Variants in SUCLG2 observed in about 807,000 individuals in gnomAD.
SUCLG2 encodes succinate-CoA ligase GDP-forming subunit beta, also known as succinate--CoA ligase [GDP-forming] subunit beta, mitochondrial.
SUCLG2 carries 42 observed loss-of-function variants against 47.9 expected under a neutral mutation model. That is an observed-to-expected ratio of 0.88 (90% confidence interval 0.69 to 1.14). The LOEUF (loss-of-function observed/expected upper bound fraction) is 1.14. SUCLG2 is among the 50% of genes most tolerant of loss of function. SUCLG2 has a pLI of 0.00. For missense variants in SUCLG2, 571 were observed against 525.9 expected (o/e 1.09, Z -0.84); for synonymous variants, 195 against 197.3 (o/e 0.99, Z 0.10).
rs143794996 is a variant in SUCLG2 at position 67,384,070 on chromosome 3, T to C, written c.1184-8211A>G. On this transcript the variant is annotated intron_variant, in intron 10 of 10. Coordinates refer to ENST00000307227, the MANE Select transcript of SUCLG2 (RefSeq NM_003848.4). ...AGACTTTTGTCGAAAATGCTGACTT[T>C]GGTCCACCATTACTGCCTAGGACAG... is the stretch of plus-strand genomic sequence containing the variant. 1.7e-3 allele frequency among the ~76,000 whole-genome samples: 254 copies of C among 152,322 alleles called. 8 individuals are homozygous for C. The East Asian group carries it at 0.039, about 23-fold the overall frequency.
intron 10 of SUCLG2, among the ~76,000 whole-genome samples, chr3:67,388,303 A>T (rs1335520222): frequency 6.6e-6 from 1 of 152,218 alleles, no homozygotes; most frequent in African/African-American, 2.4e-5. Context: ...ATCTTTATCA[A>T]GAGAGAAAAA....
At chr3:67,577,665 A>T (rs1012005045) in intron 2 of SUCLG2, among the ~76,000 whole-genome samples, 3 of 152,190 alleles carry the variant, frequency 2.0e-5, no homozygotes, top group Non-Finnish European at 2.9e-5. Context: ...TCTCTACCAG[A>T]GCCTCTGTCT....
intron 1 of SUCLG2, among the ~76,000 whole-genome samples, chr3:67,614,062 G>A (rs924794196): frequency 4.6e-5 from 7 of 152,106 alleles, no homozygotes; most frequent in African/African-American, 1.7e-4. Context: ...TCAACTCCTA[G>A]GAAGAGCTAC....
chr3:67,396,684 C>T (rs1014405641), intron 10 of SUCLG2, among the ~76,000 whole-genome samples: 1 of 152,140 alleles, frequency 6.6e-6, no homozygotes, highest in African/African-American at 2.4e-5. Flanking sequence ...AGGCCAGCAT[C>T]ATCCTGATAC....
chr3:67,466,414 G>A (rs1291042854), intron 9 of SUCLG2, among the ~76,000 whole-genome samples: 1 of 152,134 alleles, frequency 6.6e-6, no homozygotes, highest in African/African-American at 2.4e-5. Context: ...TTAATAAAAT[G>A]GGCATTAACA....
chr3:67,494,103 T>C (rs1705270538), intron 9 of SUCLG2, among the ~76,000 whole-genome samples: 1 of 152,170 alleles, frequency 6.6e-6, no homozygotes, highest in Non-Finnish European at 1.5e-5. Flanking sequence ...AACAGACAAG[T>C]GTACTACCAA....
intron 2 of SUCLG2, among the ~76,000 whole-genome samples, chr3:67,568,800 T>C (rs1048763338): frequency 6.6e-6 from 1 of 152,060 alleles, no homozygotes; most frequent in Non-Finnish European, 1.5e-5. Context: ...GGCAGGAGAA[T>C]GGCGTGAACC....
intron 1 of SUCLG2, among the ~76,000 whole-genome samples, chr3:67,630,947 A>C (rs939942167): frequency 8.5e-5 from 13 of 152,240 alleles, no homozygotes; most frequent in African/African-American, 2.2e-4. Flanking sequence ...AGTCTCATGC[A>C]AAACCTAAAG....
chr3:67,490,959 G>A (rs899559965), intron 9 of SUCLG2, among the ~76,000 whole-genome samples: 1 of 152,144 alleles, frequency 6.6e-6, no homozygotes, highest in African/African-American at 2.4e-5. Context: ...AAATGCAAAA[G>A]AGTATACAGT....
chr3:67,425,955 G>C (rs1202312448), intron 9 of SUCLG2, among the ~76,000 whole-genome samples: 1 of 152,122 alleles, frequency 6.6e-6, no homozygotes, highest in African/African-American at 2.4e-5. Context: ...TTAATGTACA[G>C]TTAGAGAGGA....
At chr3:67,651,927 T>C (rs1040785119) in intron 1 of SUCLG2, among the ~76,000 whole-genome samples, 3 of 152,192 alleles carry the variant, frequency 2.0e-5, no homozygotes, top group Admixed American at 6.5e-5. Context: ...ATTTTCATTA[T>C]TGGTTATATG....
chr3:67,462,242 C>T (rs925325938), intron 9 of SUCLG2, among the ~76,000 whole-genome samples: 1 of 152,018 alleles, frequency 6.6e-6, no homozygotes, highest in Non-Finnish European at 1.5e-5. Context: ...GCTTTAGAAA[C>T]TAAAAATATA....
chr3:67,389,525 C>T (rs1702333536), intron 10 of SUCLG2, among the ~76,000 whole-genome samples: 2 of 152,182 alleles, frequency 1.3e-5, no homozygotes, highest in Non-Finnish European at 2.9e-5. Flanking sequence ...GTTCTCAGTA[C>T]TTCCAGTGGA....
intron 2 of SUCLG2, among the ~76,000 whole-genome samples, chr3:67,582,369 T>C (rs1220858014): frequency 6.6e-6 from 1 of 152,200 alleles, no homozygotes; most frequent in Non-Finnish European, 1.5e-5. Context: ...ATGCAGTATT[T>C]GGTTTTCTGT....
chr3:67,554,359 C>T (rs1324427622), intron 2 of SUCLG2, among the ~76,000 whole-genome samples: 3 of 152,174 alleles, frequency 2.0e-5, no homozygotes, highest in Non-Finnish European at 2.9e-5. Context: ...ATTTCAGTTG[C>T]TTTCTAATTG....
chr3:67,604,840 T>G (rs1363398561), intron 2 of SUCLG2, among the ~76,000 whole-genome samples: 1 of 152,200 alleles, frequency 6.6e-6, no homozygotes, highest in Non-Finnish European at 1.5e-5. Context: ...GTCACATTTA[T>G]TTTCAAAATA....
At chr3:67,410,330 G>C (rs1242819131) in intron 9 of SUCLG2, among the ~76,000 whole-genome samples, 1 of 152,190 alleles carries the variant, frequency 6.6e-6, no homozygotes, top group Non-Finnish European at 1.5e-5. Context: ...TTCTGTAGTT[G>C]TCAGCAGACA....
chr3:67,644,240 C>T (rs150012568), intron 1 of SUCLG2, among the ~76,000 whole-genome samples: 1 of 151,490 alleles, frequency 6.6e-6, no homozygotes, highest in African/African-American at 2.4e-5. Context: ...AAGTGTCCAC[C>T]GACAAATTAA....
At chr3:67,366,700 G>A (rs751124089) in intron 10 of SUCLG2, among the ~76,000 whole-genome samples, 2 of 152,168 alleles carry the variant, frequency 1.3e-5, no homozygotes, top group Admixed American at 6.5e-5. Flanking sequence ...CTCATAGGAT[G>A]ACAACGTTGA....
Sources: gnomAD v4.1 joint callset for allele counts (sites outside exome capture counted in the v4.1 genomes callset) on GRCh38, gnomAD v4.1.1 for gene constraint, MANE v1.5 for transcripts, NCBI Gene and HGNC (gene_info 2026-07-23, HGNC 2026-07-21) for gene names.